The following TAS2R1 variants were observed in gnomAD, a reference collection of about 807,000 sequenced individuals.
The protein encoded by TAS2R1 is taste receptor type 2 member 1.
For synonymous variants in TAS2R1, 141 were observed against 134.2 expected, an observed-to-expected ratio of 1.05 and a Z score of -0.35; for missense variants, 370 against 353.4, an observed-to-expected ratio of 1.05 and a Z score of -0.38.
At chr5:9,870,080 A>G in the TAS2R1 span, 1 of 152,344 alleles carries the variant, frequency 6.6e-6, no homozygotes, top group Middle Eastern at 3.4e-3. Flanking sequence ...TTTTTATAAC[A>G]GAGCTATCAC....
the TAS2R1 span, among the ~76,000 whole-genome samples, chr5:9,753,045 A>G: frequency 2.6e-5 from 4 of 152,140 alleles, no homozygotes; most frequent in Non-Finnish European, 4.4e-5. Context: ...ATGATTTATA[A>G]TCCTTTGGGT....
At chr5:9,709,371 A>G (rs1367491676) in intron 1 of TAS2R1, among the ~76,000 whole-genome samples, 1 of 151,958 alleles carries the variant, frequency 6.6e-6, no homozygotes, top group African/African-American at 2.4e-5. Flanking sequence ...CTACTGAACC[A>G]ATATCCTCCT....
At chr5:9,841,864 A>G in the TAS2R1 span, among the ~76,000 whole-genome samples, 7 of 152,358 alleles carry the variant, frequency 4.6e-5, no homozygotes, top group African/African-American at 1.7e-4. Context: ...ATGCAAACCC[A>G]CTGCATGTGT....
the TAS2R1 span, among the ~76,000 whole-genome samples, chr5:9,777,814 C>T: frequency 6.6e-6 from 1 of 151,812 alleles, no homozygotes. Context: ...TGTTAGCAGG[C>T]ATGAAGACAT....
chr5:9,778,271 T>C, the TAS2R1 span, among the ~76,000 whole-genome samples: 1 of 152,230 alleles, frequency 6.6e-6, no homozygotes. Flanking sequence ...GCTTAAAATA[T>C]TCAATAAACC....
At chr5:9,702,985 A>T (rs1741523028) in intron 1 of TAS2R1, among the ~76,000 whole-genome samples, 1 of 152,210 alleles carries the variant, frequency 6.6e-6, no homozygotes, top group African/African-American at 2.4e-5. Context: ...ATCCTGTTAA[A>T]CAATACCTCT....
chr5:9,895,012 G>A, the TAS2R1 span, among the ~76,000 whole-genome samples: 1 of 152,250 alleles, frequency 6.6e-6, no homozygotes, highest in South Asian at 2.1e-4. Context: ...TGTGGTGGTA[G>A]GGAGGCTTCC....
At chr5:9,752,213 C>G in the TAS2R1 span, among the ~76,000 whole-genome samples, 1 of 152,182 alleles carries the variant, frequency 6.6e-6, no homozygotes, top group Admixed American at 6.6e-5. Context: ...CTGAATTCAA[C>G]TCCAGGATTC....
intron 2 of TAS2R1, among the ~76,000 whole-genome samples, chr5:9,659,112 GC>G (rs1740477070): frequency 6.6e-6 from 1 of 152,136 alleles, no homozygotes; most frequent in Non-Finnish European, 1.5e-5. Context: ...AGTCTTTCTA[GC>G]AAGACTCATA....
the TAS2R1 span, among the ~76,000 whole-genome samples, chr5:9,778,235 T>C: frequency 6.6e-6 from 1 of 152,220 alleles, no homozygotes; most frequent in Non-Finnish European, 1.5e-5. Context: ...TTTCTTTTTT[T>C]CCTAAACAGT....
chr5:9,724,344 C>CTTTTTTTTTT, the TAS2R1 span, among the ~76,000 whole-genome samples: 4 of 124,620 alleles, frequency 3.2e-5, no homozygotes, highest in Non-Finnish European at 3.5e-5. Flanking sequence ...ATGTTTCTTT[C>CTTTTTTTTTT]TTTTTTTTTT....
the TAS2R1 span, among the ~76,000 whole-genome samples, chr5:9,855,561 C>G: frequency 6.6e-6 from 1 of 152,154 alleles, no homozygotes; most frequent in East Asian, 1.9e-4. Flanking sequence ...TCAGTCACTT[C>G]AAGTAATTGG....
intron 2 of TAS2R1, among the ~76,000 whole-genome samples, chr5:9,648,087 A>G (rs1740229606): frequency 6.6e-6 from 1 of 152,158 alleles, no homozygotes; most frequent in Non-Finnish European, 1.5e-5. Context: ...GCTATATTCA[A>G]AATGCATCAT....
At chr5:9,711,850 G>C (rs907572091) in intron 1 of TAS2R1, among the ~76,000 whole-genome samples, 7 of 142,772 alleles carry the variant, frequency 4.9e-5, no homozygotes, top group Non-Finnish European at 9.4e-5. Flanking sequence ...TTTTTTAGTA[G>C]AGTTGGGGTT....
the TAS2R1 span, among the ~76,000 whole-genome samples, chr5:9,863,373 G>C: frequency 6.7e-5 from 10 of 150,344 alleles, no homozygotes; most frequent in South Asian, 4.2e-4. Flanking sequence ...CTGGGTTCAC[G>C]CCATTCTCCT....
At chr5:9,723,095 T>C in the TAS2R1 span, among the ~76,000 whole-genome samples, 1 of 152,356 alleles carries the variant, frequency 6.6e-6, no homozygotes, top group African/African-American at 2.4e-5. Context: ...TAGGGTCATA[T>C]TGGCATTTGG....
the TAS2R1 span, among the ~76,000 whole-genome samples, chr5:9,809,084 A>G: frequency 1.3e-5 from 2 of 152,148 alleles, no homozygotes; most frequent in Non-Finnish European, 1.5e-5. Flanking sequence ...TACCTGTCTC[A>G]TCATTGCAGT....
chr5:9,900,308 C>T, the TAS2R1 span, among the ~76,000 whole-genome samples: 4 of 152,228 alleles, frequency 2.6e-5, no homozygotes, highest in Non-Finnish European at 1.5e-5. Flanking sequence ...CTCTGACAAA[C>T]ACTATCCTTT....
intron 2 of TAS2R1, among the ~76,000 whole-genome samples, chr5:9,648,303 A>G (rs1479580343): frequency 6.6e-6 from 1 of 152,198 alleles, no homozygotes; most frequent in Non-Finnish European, 1.5e-5. Flanking sequence ...AAGCTTTTAA[A>G]TAGTTTTTAA....
Sources: allele counts gnomAD v4.1 joint callset (sites outside exome capture counted in the v4.1 genomes callset), GRCh38; gene constraint gnomAD v4.1.1; transcripts MANE v1.5; gene names NCBI Gene and HGNC (gene_info 2026-07-23, HGNC 2026-07-21).